IYD: variants seen among roughly 807,000 people sequenced by gnomAD.
IYD encodes the protein iodotyrosine deiodinase.
IYD carries 25 observed loss-of-function variants against 28.4 expected under a neutral mutation model. The ratio of observed to expected loss-of-function variants is 0.88; its 90% CI spans 0.64 to 1.23. IYD has a LOEUF of 1.23. Among genes scored for constraint, IYD ranks in the 50% most tolerant of loss-of-function variants. The probability of loss-of-function intolerance (pLI) is 0.00; values close to 1 mark genes in which losing one functional copy is unlikely to be tolerated. For missense variants in IYD, 352 were observed against 357.9 expected (o/e 0.98, Z 0.13); for synonymous variants, 140 against 130.8 (o/e 1.07, Z -0.48).
At chr6:150,376,273 C>T (rs567160965) in intron 1 of IYD, among the ~76,000 whole-genome samples, 41 of 152,230 alleles carry the variant, frequency 2.7e-4, no homozygotes, top group African/African-American at 9.1e-4. Context: ...AATGAACTGA[C>T]AAGAGACAGA....
rs778003823 is a variant in IYD, at chr6:150,398,072, T to C, written c.705T>C (p.Thr235=). ...TATTTTAGAATGCAGGTCTGGTGAC[T>C]GTCACTACCACTCCTCTCAACTGTG... ...LAALQNAGLV[T]VTTTPLNCGP... The change falls in exon 5 of 5, where the codon ACT becomes ACC. Residue 235 remains threonine, a synonymous_variant. Transcript: ENST00000344419. The C allele has an allele frequency of 2.0e-5, 33 of 1,614,080 alleles. No individual in the cohort carries two copies. The highest frequency in any genetic ancestry group is 2.6e-5 in the Non-Finnish European group (31 of 1,180,032).
chr6:150,381,472 A>G (rs891035608), intron 1 of IYD, among the ~76,000 whole-genome samples: 2 of 152,154 alleles, frequency 1.3e-5, no homozygotes, highest in Non-Finnish European at 2.9e-5. Flanking sequence ...TTAATTGTGA[A>G]ATGCACTCAC....
At chr6:150,376,985 T>A (rs1673911527) in intron 1 of IYD, among the ~76,000 whole-genome samples, 2 of 152,126 alleles carry the variant, frequency 1.3e-5, no homozygotes. Context: ...AAAGAGTCTC[T>A]CTCAGTGCTT....
chr6:150,370,414 C>T lies in IYD; in HGVS notation c.178+1205C>T, dbSNP rs1005094166. On this transcript the variant is annotated intron_variant, in intron 1 of 4. Transcript: ENST00000344419. ...GTGTGCATGCATGAATGTGTGTGTG[C>T]GTGCGCATGAGTGTGTTTGTGAGAG... is the stretch of plus-strand genomic sequence containing the variant. 5.9e-5 allele frequency: 47 copies of T among 801,298 alleles called. No individual in the cohort carries two copies. The African/African-American group carries it at 6.9e-4, about 12-fold the overall frequency. 49.6% of individuals were successfully genotyped at this position (801,298 alleles called of 1,614,324 possible). A position where few individuals can be genotyped will look rare whatever the true frequency, so the allele number is the denominator to read the frequency against.
In IYD at chr6:150,370,149, CTGGACATG is replaced by C. The variant is rs1232681706; in HGVS notation, c.178+943_178+950del. ...GCCCCCATCCCCAAACAGAGGCCAC[CTGGACATG>C]TGAGTGTGTGTGAGTGTATGTGTGT... On this transcript the variant is annotated intron_variant, in intron 1 of 4. Coordinates refer to ENST00000344419, the MANE Select transcript of IYD (RefSeq NM_203395.3). 22 of 667,986 alleles carry C rather than the reference CTGGACATG, an allele frequency of 3.3e-5. No homozygotes were observed. The Admixed American group carries it at 4.7e-4, about 14-fold the overall frequency. The allele number at this position is 667,986 out of a possible 1,614,324, so 41.4% of individuals were successfully genotyped here.
intron 1 of IYD, among the ~76,000 whole-genome samples, chr6:150,382,520 C>T (rs1180102948): frequency 6.6e-6 from 1 of 152,098 alleles, no homozygotes; most frequent in Non-Finnish European, 1.5e-5. Context: ...AAATTTCAGC[C>T]ATTGCCTTTT....
chr6:150,372,272 G>T (rs907223545), intron 1 of IYD, among the ~76,000 whole-genome samples: 1 of 151,016 alleles, frequency 6.6e-6, no homozygotes, highest in Non-Finnish European at 1.5e-5. Flanking sequence ...GGGTTGTGGG[G>T]TGGTGAGGGG....
intron 1 of IYD, among the ~76,000 whole-genome samples, chr6:150,384,091 C>T (rs1777769203): frequency 6.6e-6 from 1 of 152,116 alleles, no homozygotes; most frequent in South Asian, 2.1e-4. Context: ...CACACACATA[C>T]ATTTTAATGG....
rs1224577194 is a variant in IYD, at chr6:150,394,214, A to G, written c.646A>G (p.Ser216Gly). ...AAAAGTCCACTACTACAATGAGATC[A>G]GTGTTTCCATCGCTTGTGGCATCCT... ...KKKVHYYNEI[S>G]VSIACGILLA... Residue 216 changes from serine to glycine, a missense_variant, in exon 4 of 5, where the codon AGT (serine) becomes GGT (glycine). Ser to Gly is a moderately conservative substitution (Grantham distance 56, BLOSUM62 0). Transcript: ENST00000344419. The G allele has an allele frequency of 3.1e-6, 5 of 1,614,118 alleles. No homozygotes were observed. Among genetic ancestry groups the G allele is most frequent in the African/African-American group, 1.3e-5 (1 of 74,948 alleles).
chr6:150,374,982 G>A (rs1777393798), intron 1 of IYD, among the ~76,000 whole-genome samples: 2 of 152,104 alleles, frequency 1.3e-5, no homozygotes, highest in African/African-American at 2.4e-5. Flanking sequence ...AATATGTTCT[G>A]AACCCCACTG....
intron 1 of IYD, among the ~76,000 whole-genome samples, chr6:150,379,321 C>T (rs1206554166): frequency 6.6e-6 from 1 of 152,218 alleles, no homozygotes; most frequent in Non-Finnish European, 1.5e-5. Flanking sequence ...GGGTCCAAGC[C>T]AGCATCGTCC....
rs74695586 is a variant in IYD at position 150,394,903 on chromosome 6, A to G, written c.687+648A>G. Among the ~76,000 whole-genome samples, 11 of 152,224 alleles carry G rather than the reference A, an allele frequency of 7.2e-5. No homozygotes were observed. In the East Asian group the frequency reaches 1.9e-3, roughly 27 times the overall value. ...GAGTGCAGTGGCACCATCACAGCTCACTGCAGCCTTGACCCCCGGGCTTAA... is the reference window on the plus strand; with the variant it reads ...GAGTGCAGTGGCACCATCACAGCTCGCTGCAGCCTTGACCCCCGGGCTTAA... On this transcript the variant is annotated intron_variant, in intron 4 of 4. Coordinates refer to ENST00000344419, the MANE Select transcript of IYD (RefSeq NM_203395.3).
In IYD at chr6:150,404,620, A is replaced by G. The variant is rs886061185; in HGVS notation, c.*6383A>G. ...TAAAAGATTTTAATAAACAAAGCCT[A>G]TAACTAAGACTGATGCTTTAAGGGA... On this transcript the variant is annotated 3_prime_UTR_variant, in exon 5 of 5. Transcript: ENST00000344419. The G allele has an allele frequency of 5.9e-5, 9 of 152,356 alleles. No homozygotes were observed. The highest frequency in any genetic ancestry group is 7.3e-5 in the Non-Finnish European group (5 of 68,032). The allele number at this position is 152,356 out of a possible 1,614,324, so 9.4% of individuals were successfully genotyped here. A position where few individuals can be genotyped will look rare whatever the true frequency, so the allele number is the denominator to read the frequency against.
At chr6:150,383,306 G>C (rs1258176044) in intron 1 of IYD, among the ~76,000 whole-genome samples, 2 of 152,272 alleles carry the variant, frequency 1.3e-5, no homozygotes, top group East Asian at 3.9e-4. Context: ...TCCATGGGTA[G>C]ACCTGGGATT....
At chr6:150,375,353 CTG>C (rs1178449409) in intron 1 of IYD, among the ~76,000 whole-genome samples, 2 of 152,134 alleles carry the variant, frequency 1.3e-5, no homozygotes, top group African/African-American at 4.8e-5. Flanking sequence ...GATGAAGAAA[CTG>C]TATTCTCATG....
chr6:150,394,651 T>C (rs1238217345), intron 4 of IYD, among the ~76,000 whole-genome samples: 1 of 152,208 alleles, frequency 6.6e-6, no homozygotes, highest in East Asian at 1.9e-4. Flanking sequence ...ATAGAGGCCC[T>C]TTTCTGAGAA....
intron 2 of IYD, among the ~76,000 whole-genome samples, chr6:150,390,895 C>G (rs571352057): frequency 1.3e-5 from 2 of 152,094 alleles, no homozygotes; most frequent in Non-Finnish European, 2.9e-5. Context: ...GAAGTCCCCC[C>G]GGGAGTAGAA....
At chr6:150,383,123 A>T (rs970617502) in intron 1 of IYD, among the ~76,000 whole-genome samples, 4 of 152,196 alleles carry the variant, frequency 2.6e-5, no homozygotes, top group African/African-American at 9.7e-5. Context: ...TGTGACACTA[A>T]TACTCTGGGA....
At chr6:150,375,073 C>T (rs1379640930) in intron 1 of IYD, among the ~76,000 whole-genome samples, 2 of 152,184 alleles carry the variant, frequency 1.3e-5, no homozygotes. Context: ...CACCTCAGTG[C>T]TACTAATGAA....
Sources: gnomAD v4.1 joint callset for allele counts (sites outside exome capture counted in the v4.1 genomes callset) on GRCh38, gnomAD v4.1.1 for gene constraint, MANE v1.5 for transcripts, NCBI Gene and HGNC (gene_info 2026-07-23, HGNC 2026-07-21) for gene names.